The following WDR81 variants were observed in gnomAD, a reference collection of about 807,000 sequenced individuals.
WDR81 encodes the protein WD repeat-containing protein 81.
In WDR81, 92 loss-of-function variants were observed where a neutral mutation model predicts 140.8. The observed-to-expected ratio is 0.65, with a 90% CI of 0.55 to 0.78. The LOEUF is 0.78. WDR81 is among the 30% of genes least tolerant of loss of function. The pLI, the probability that WDR81 is intolerant of heterozygous loss-of-function variation, is 0.00. For synonymous variants in WDR81, 1,183 were observed against 1,156.4 expected (o/e 1.02, Z -0.47); for missense variants, 2,502 against 2,636.4 (o/e 0.95, Z 1.12).
At chr17:1,730,627 C>T (rs1915629616) in intron 2 of WDR81, 128 bp from the exon 3 acceptor site, 1 of 1,421,444 alleles carries the variant, frequency 7.0e-7, no homozygotes, top group South Asian at 1.4e-5. Context: ...AGTCTAAGTG[C>T]CAGCCTTGGG....
rs935069758 is a variant in WDR81, at chr17:1,735,587, C to T, written c.5195C>T (p.Thr1732Ile). 6 of 1,611,498 alleles carry T rather than the reference C, an allele frequency of 3.7e-6. No individual in the cohort carries two copies. The highest frequency in any genetic ancestry group is 3.4e-6 in the Non-Finnish European group (4 of 1,179,568). Residue 1732 changes from threonine (T) to isoleucine (I), a missense_variant, in exon 8 of 10, where the codon ACA becomes ATA. Thr to Ile is a moderately conservative substitution (Grantham distance 89). This residue lies in a region of WDR81 where 1,737 missense variants were observed against 1,843.0 expected (regional missense o/e 0.94). Transcript: ENST00000409644. The surrounding 1 kb of genome is among the most constrained non-coding windows in gnomAD (Gnocchi z 4.2). ...WDPFTGKTLR[T>I]VEPLDSRVPL... ...TCCTTCCCAGGGAAGACCCTTCGCA[C>T]AGTGGAGCCGCTGGACAGCCGGGTG...
At position 1,725,858 on chromosome 17, in the gene WDR81, G is replaced by C. The variant is rs1340180028; in HGVS notation, c.899G>C (p.Arg300Pro). The change falls in exon 1 of 10, where the codon CGA becomes CCA. Residue 300 changes from arginine to proline, a missense_variant. Around this residue, in one of 3 missense-constraint regions of WDR81, gnomAD observed 547 missense variants for 513.8 expected, o/e 1.06. Coordinates refer to ENST00000409644, the MANE Select transcript of WDR81 (RefSeq NM_001163809.2). ...GATGAGAAGCTTTGCAGCGAGCTGC[G>C]ACTGGACCTGAGTGCTTATGAGAGG... ...AVDEKLCSEL[R>P]LDLSAYERPE... 6.4e-7 allele frequency: 1 copy of C among 1,550,720 alleles called. No homozygotes were observed. The highest frequency in any genetic ancestry group is 1.4e-5 in the African/African-American group (1 of 73,176).
chr17:1,720,769 A>G (rs1158154899), upstream of WDR81, among the ~76,000 whole-genome samples: 2 of 85,166 alleles, frequency 2.3e-5, no homozygotes, highest in Non-Finnish European at 5.4e-5. Context: ...CGTATCAAGA[A>G]AAAAAAAAAA....
upstream of WDR81, among the ~76,000 whole-genome samples, chr17:1,724,169 C>T (rs1915048876): frequency 6.6e-6 from 1 of 151,878 alleles, no homozygotes; most frequent in Non-Finnish European, 1.5e-5. Flanking sequence ...TCGAGATCAG[C>T]CTGGCCAACA....
Position 1,728,435 on chromosome 17 carries a change from A to AGGG in WDR81, c.3478_3479insGGG (p.Glu1159_Asp1160insGly), listed in dbSNP as rs774136118. 1 of 1,612,506 alleles carries AGGG rather than the reference A, an allele frequency of 6.2e-7. No individual in the cohort carries two copies. Among genetic ancestry groups the AGGG allele is most frequent in the South Asian group, 1.1e-5 (1 of 90,936 alleles). The stretch of plus-strand genomic sequence containing the variant: ...GGCTCCGAGGAGGAAGAGGAGGAGG[A>AGGG]GGACAGCTGCGTGGTGCTAGAGGAG... On this transcript the variant is annotated inframe_insertion, in exon 1 of 10. Transcript: ENST00000409644.
intron 9 of WDR81, 112 bp from the exon 10 acceptor site, chr17:1,737,253 G>C: frequency 4.5e-6 from 5 of 1,099,408 alleles, no homozygotes; most frequent in Non-Finnish European, 6.3e-6. Flanking sequence ...CACCCACCCA[G>C]GACGGCCTGT....
chr17:1,732,582 G>T (rs939114064), intron 5 of WDR81, 84 bp from the exon 6 acceptor site: 16 of 1,574,536 alleles, frequency 1.0e-5, no homozygotes, highest in African/African-American at 1.3e-5. Flanking sequence ...TCTGAAGCTG[G>T]ACTCCGCGGG....
chr17:1,728,138 C>T lies in WDR81; in HGVS notation c.3179C>T (p.Ser1060Leu), dbSNP rs779061628. The change falls in exon 1 of 10, where the codon TCG (serine) becomes TTG (leucine). Residue 1060 changes from serine to leucine, a missense_variant. Around this residue, in one of 3 missense-constraint regions of WDR81, gnomAD observed 1,737 missense variants for 1,843.0 expected, o/e 0.94. Transcript: ENST00000409644. ...IPMDGEPPAS[S>L]GLGLPDYTSG... ...ATGGATGGGGAGCCTCCTGCCTCCT[C>T]GGGCCTGGGGCTCCCAGACTACACG... 1.8e-5 allele frequency: 29 copies of T among 1,606,932 alleles called. No individual in the cohort carries two copies. The highest frequency in any genetic ancestry group is 5.5e-5 in the South Asian group (5 of 90,786).
Position 1,728,535 on chromosome 17 carries a change from G to T in WDR81, c.3576G>T (p.Thr1192=), listed in dbSNP as rs988450189. ...TLSDTVLSME[T]VVAGGSGGDG... ...CTGACACGGTGCTGTCCATGGAGAC[G>T]GTTGTGGCCGGCGGCAGTGGGGGAG... Residue 1192 remains threonine, a synonymous_variant, in exon 1 of 10, where the codon ACG becomes ACT. Transcript: ENST00000409644. 4 of 1,551,018 alleles carry T rather than the reference G, an allele frequency of 2.6e-6. No homozygotes were observed. The highest frequency in any genetic ancestry group is 1.7e-4 in the Middle Eastern group (1 of 5,922).
At chr17:1,723,076 G>A (rs1398273845), upstream of WDR81, among the ~76,000 whole-genome samples, 1 of 152,220 alleles carries the variant, frequency 6.6e-6, no homozygotes, top group Non-Finnish European at 1.5e-5. Context: ...TCTCCTAAGA[G>A]GGAGACAAAA....
At position 1,737,768 on chromosome 17, in the gene WDR81, C is replaced by T; in HGVS notation, c.*83C>T. The T allele has an allele frequency of 6.8e-7, 1 of 1,475,948 alleles. No homozygotes were observed. Among genetic ancestry groups the T allele is most frequent in the South Asian group, 1.3e-5 (1 of 74,190 alleles). 91.4% of individuals were successfully genotyped at this position (1,475,948 alleles called of 1,614,324 possible). A position where few individuals can be genotyped will look rare whatever the true frequency, so the allele number is the denominator to read the frequency against. On this transcript the variant is annotated 3_prime_UTR_variant, in exon 10 of 10. Transcript: ENST00000409644. ...TCACCCTGTTCCCTGAGCAGCAGCT[C>T]CCTCCAGGGAGGCCCTGGGTCCCAC...
intron 7 of WDR81, among the ~76,000 whole-genome samples, chr17:1,734,922 CAGAG>C (rs915932644): frequency 5.3e-5 from 8 of 152,098 alleles, no homozygotes; most frequent in African/African-American, 1.7e-4. Flanking sequence ...TCGGGGAAGA[CAGAG>C]GGAGGTGGCA....
Position 1,735,699 on chromosome 17 carries a change from C to T in WDR81, c.5307C>T (p.Cys1769=). The T allele has an allele frequency of 1.2e-6, 2 of 1,612,562 alleles. No individual in the cohort carries two copies. The highest frequency in any genetic ancestry group is 1.7e-6 in the Non-Finnish European group (2 of 1,179,690). ...SSDSTLRFVD[C]RKPGLQHEFR... ...ACTCTACCCTGCGCTTTGTGGACTG[C>T]AGGAAGCCTGGTCTGCAGGTCAGGG... The change falls in exon 8 of 10, where the codon TGC becomes TGT. Residue 1769 remains cysteine (C), a synonymous_variant. Coordinates refer to ENST00000409644, the MANE Select transcript of WDR81 (RefSeq NM_001163809.2). This position sits in a 1 kb window ranked among gnomAD's most constrained non-coding sequence, Gnocchi z 4.2.
chr17:1,720,452 T>C (rs1914803759), upstream of WDR81, among the ~76,000 whole-genome samples: 1 of 152,214 alleles, frequency 6.6e-6, no homozygotes, highest in Non-Finnish European at 1.5e-5. Flanking sequence ...TTTAGATAGC[T>C]GTATCTCACT....
Position 1,728,289 on chromosome 17 carries a change from CAA to C in WDR81, c.3331_3332del (p.Lys1111GlufsTer10), listed in dbSNP as rs1394669328. 3 of 1,612,790 alleles carry C rather than the reference CAA, an allele frequency of 1.9e-6. No homozygotes were observed. Among genetic ancestry groups the C allele is most frequent in the Non-Finnish European group, 2.5e-6 (3 of 1,179,986 alleles). Reference protein sequence around the residue: ...EAVSLGRLSDKSSTSETSLGE... With the variant: ...EAVSLGRLSDXSSTSETSLGE... ...CTGTGAGCCTGGGCCGGCTGAGTGA[CAA>C]GAGCAGCACCAGCGAGACCTCCCTG... is the stretch of plus-strand genomic sequence containing the variant. On this transcript the variant is annotated frameshift_variant, in exon 1 of 10. Coordinates refer to ENST00000409644, the MANE Select transcript of WDR81 (RefSeq NM_001163809.2). LOFTEE classifies it high-confidence loss of function.
In WDR81 at chr17:1,737,530, A is replaced by T; in HGVS notation, c.5671A>T (p.Ile1891Phe). Reference sequence around the variant, plus strand: ...GGTCACTGGCACCGTGTCCAACAAGATTGGCGTCTGCTCCCTGCTTGAGCC... The same window carrying T: ...GGTCACTGGCACCGTGTCCAACAAGTTTGGCGTCTGCTCCCTGCTTGAGCC... ...EVVTGTVSNK[I>F]GVCSLLEPPS... Residue 1891 changes from isoleucine to phenylalanine, a missense_variant, in exon 10 of 10, where the codon ATT (isoleucine) becomes TTT (phenylalanine). By Grantham distance (21) the Ile-to-Phe change is conservative. Coordinates refer to ENST00000409644, the MANE Select transcript of WDR81 (RefSeq NM_001163809.2). The T allele has an allele frequency of 6.2e-7, 1 of 1,613,030 alleles. No individual in the cohort carries two copies. The highest frequency in any genetic ancestry group is 8.5e-7 in the Non-Finnish European group (1 of 1,179,978).
chr17:1,733,538 C>T lies in WDR81; in HGVS notation c.4501C>T (p.Arg1501Trp), dbSNP rs777469137. ...CCACTCCTATCCAGGTGACATCATC[C>T]GGAAAATCATCCCCAACCACGAGCT... ...PFSCLLGDII[R>W]KIIPNHELVG... Residue 1501 changes from arginine (R) to tryptophan (W), a missense_variant, in exon 7 of 10, where the codon CGG becomes TGG. By Grantham distance (101) the Arg-to-Trp change is moderately radical (BLOSUM62 -3). Coordinates refer to ENST00000409644, the MANE Select transcript of WDR81 (RefSeq NM_001163809.2). 55 of 1,516,668 alleles carry T rather than the reference C, an allele frequency of 3.6e-5. No individual in the cohort carries two copies. Among genetic ancestry groups the T allele is most frequent in the South Asian group, 3.2e-4 (24 of 75,336 alleles). The allele number at this position is 1,516,668 out of a possible 1,614,324, so 94.0% of individuals were successfully genotyped here.
At chr17:1,720,250 G>A (rs1239596503), upstream of WDR81, among the ~76,000 whole-genome samples, 2 of 152,146 alleles carry the variant, frequency 1.3e-5, no homozygotes, top group Non-Finnish European at 2.9e-5. Flanking sequence ...CAATACTGAG[G>A]CTGGCCAAGG....
At chr17:1,716,654 T>G in intron 1 of WDR81, 1 of 1,551,578 alleles carries the variant, frequency 6.4e-7, no homozygotes, top group Non-Finnish European at 8.7e-7. Flanking sequence ...ATTTTTAAAC[T>G]GAGCTCGGAA....
Sources: allele counts gnomAD v4.1 joint callset (sites outside exome capture counted in the v4.1 genomes callset), GRCh38; gene constraint gnomAD v4.1.1; regional missense constraint gnomAD v4.1.1; non-coding constraint Gnocchi (gnomAD v3.1); transcripts MANE v1.5; gene names NCBI Gene and HGNC (gene_info 2026-07-23, HGNC 2026-07-21).